Variants in EID3 observed in about 807,000 individuals in gnomAD.
EID3 encodes EP300 interacting inhibitor of differentiation 3, also known as EP300-interacting inhibitor of differentiation 3.
In EID3, 3 loss-of-function variants were observed where a neutral mutation model predicts 1.6. That is an observed-to-expected ratio of 1.87 (90% CI 0.85 to 4.83). The LOEUF is 4.83. Ranked by LOEUF, EID3 falls within the 30% of genes most tolerant of loss-of-function variation. The pLI is 0.02. For synonymous variants in EID3, 164 were observed against 148.1 expected (o/e 1.11, Z -0.78); for missense variants, 471 against 409.9 (o/e 1.15, Z -1.29).
rs903013554 is a variant in EID3, at chr12:104,304,815, G to A, written c.881G>A (p.Gly294Glu). Residue 294 changes from glycine (G) to glutamate (E), a missense_variant, in exon 1 of 1, where the codon GGA becomes GAA. Physicochemically the swap from Gly to Glu is moderately conservative, Grantham distance 98 (BLOSUM62 -2). Coordinates refer to ENST00000527879, the MANE Select transcript of EID3 (RefSeq NM_001008394.3). ...ATGAATGTTAACCAAATGGGTGAGGGAAATGATTCCAGTTGCCATGGCAGG... is the reference window on the plus strand; with the variant it reads ...ATGAATGTTAACCAAATGGGTGAGGAAAATGATTCCAGTTGCCATGGCAGG... ...EPMNVNQMGE[G>E]NDSSCHGRKQ... 1.9e-6 allele frequency: 3 copies of A among 1,613,898 alleles called. No homozygotes were observed. The South Asian group carries it at 3.3e-5, about 18-fold the overall frequency.
In EID3 at chr12:104,303,807, T is replaced by C; in HGVS notation, c.-128T>C. ...GCTGGGAGGGCCGTTACCTCAGAGA[T>C]ACCCGTGGCCGGCATGTTGGTTGAA... is the stretch of plus-strand genomic sequence containing the variant. On this transcript the variant is annotated 5_prime_UTR_variant, in exon 1 of 1. Coordinates refer to ENST00000527879, the MANE Select transcript of EID3 (RefSeq NM_001008394.3). 1 of 1,383,068 alleles carries C rather than the reference T, an allele frequency of 7.2e-7. No homozygotes were observed. Among genetic ancestry groups the C allele is most frequent in the Non-Finnish European group, 9.5e-7 (1 of 1,052,932 alleles). The allele number at this position is 1,383,068 out of a possible 1,614,324, so 85.7% of individuals were successfully genotyped here.
chr12:104,304,785 A>G lies in EID3; in HGVS notation c.851A>G (p.Glu284Gly). 2 of 1,614,012 alleles carry G rather than the reference A, an allele frequency of 1.2e-6. No individual in the cohort carries two copies. Among genetic ancestry groups the G allele is most frequent in the Non-Finnish European group, 1.7e-6 (2 of 1,179,892 alleles). ...RLDEDRLPILEPMNVNQMGEG... is the reference protein window; with the variant it reads ...RLDEDRLPILGPMNVNQMGEG... ...GATGAAGACAGGCTGCCAATATTAG[A>G]GCCGATGAATGTTAACCAAATGGGT... The change falls in exon 1 of 1, where the codon GAG becomes GGG. Residue 284 changes from glutamate to glycine, a missense_variant. Physicochemically the swap from Glu to Gly is moderately conservative, Grantham distance 98. Transcript: ENST00000527879.
chr12:104,304,165 T>C lies in EID3; in HGVS notation c.231T>C (p.Phe77=). 1 of 1,614,066 alleles carries C rather than the reference T, an allele frequency of 6.2e-7. No homozygotes were observed. Among genetic ancestry groups the C allele is most frequent in the African/African-American group, 1.3e-5 (1 of 75,060 alleles). ...CTCTGGAGGAAGCCAACGTCCTCTT[T>C]GATGGCGTGAGCCGAACCAGAGAAG... ...TEALEEANVL[F]DGVSRTREAA... is the part of the protein sequence containing the mutation. The change falls in exon 1 of 1, where the codon TTT becomes TTC. Residue 77 remains phenylalanine, a synonymous_variant. Coordinates refer to ENST00000527879, the MANE Select transcript of EID3 (RefSeq NM_001008394.3).
At position 104,304,536 on chromosome 12, in the gene EID3, T is replaced by G; in HGVS notation, c.602T>G (p.Met201Arg). The G allele has an allele frequency of 6.2e-7, 1 of 1,614,006 alleles. No homozygotes were observed. Among genetic ancestry groups the G allele is most frequent in the Non-Finnish European group, 8.5e-7 (1 of 1,179,892 alleles). ...CGCAAGATGGAAGAAAATGGCAACA[T>G]GCCTACAAAGTTGCAGAAGTTGGAC... The part of the protein sequence containing the change: ...KVRKMEENGN[M>R]PTKLQKLDLS... Residue 201 changes from methionine to arginine, a missense_variant, in exon 1 of 1, where the codon ATG (methionine) becomes AGG (arginine). Transcript: ENST00000527879.
rs542835354 is a variant in EID3 at position 104,304,502 on chromosome 12, A to G, written c.568A>G (p.Lys190Glu). The G allele has an allele frequency of 5.0e-6, 8 of 1,613,902 alleles. No homozygotes were observed. The highest frequency in any genetic ancestry group is 6.8e-6 in the Non-Finnish European group (8 of 1,179,894). ...ACCAAAGCCCCGACTTGAACACCAG[A>G]AAAAAGTTCGCAAGATGGAAGAAAA... is the stretch of plus-strand genomic sequence containing the variant. ...SAPKPRLEHQ[K>E]KVRKMEENGN... Residue 190 changes from lysine to glutamate, a missense_variant, in exon 1 of 1, where the codon AAA (lysine) becomes GAA (glutamate). Physicochemically the swap from Lys to Glu is moderately conservative, Grantham distance 56 (BLOSUM62 1). Coordinates refer to ENST00000527879, the MANE Select transcript of EID3 (RefSeq NM_001008394.3).
rs1359332240 is a variant in EID3 at position 104,305,120 on chromosome 12, TAAAAC to T, written c.*188_*192del. 8 of 570,532 alleles carry T rather than the reference TAAAAC, an allele frequency of 1.4e-5. No individual in the cohort carries two copies. The highest frequency in any genetic ancestry group is 7.8e-5 in the African/African-American group (4 of 51,250). The allele number at this position is 570,532 out of a possible 1,614,324, so 35.3% of individuals were successfully genotyped here. ...TTATAAGGTCATGATCTTCTGTTATTAAAACAAATTCACTGGCATATTTATGGGAA... is the reference window on the plus strand; with the variant it reads ...TTATAAGGTCATGATCTTCTGTTATTAAATTCACTGGCATATTTATGGGAA... On this transcript the variant is annotated 3_prime_UTR_variant, in exon 1 of 1. Coordinates refer to ENST00000527879, the MANE Select transcript of EID3 (RefSeq NM_001008394.3).
Position 104,304,281 on chromosome 12 carries a change from A to T in EID3, c.347A>T (p.Gln116Leu). Residue 116 changes from glutamine to leucine, a missense_variant, in exon 1 of 1, where the codon CAG (glutamine) becomes CTG (leucine). Physicochemically the swap from Gln to Leu is moderately radical, Grantham distance 113. Coordinates refer to ENST00000527879, the MANE Select transcript of EID3 (RefSeq NM_001008394.3). ...AACTCAGATATGAACTTCTTTAATC[A>T]GTTAGCATTTTGTGACTTTCTGTTT... ...QLNSDMNFFN[Q>L]LAFCDFLFLF... 3 of 1,614,050 alleles carry T rather than the reference A, an allele frequency of 1.9e-6. No individual in the cohort carries two copies. The South Asian group carries it at 3.3e-5, about 18-fold the overall frequency.
Position 104,305,191 on chromosome 12 carries a change from G to A in EID3, c.*255G>A, listed in dbSNP as rs1447587652. Reference sequence around the variant, plus strand: ...CCTTTAAGACTATTAATAAAAACAAGTTTTGGATACCAAATTAAGGGATAT... The same window carrying A: ...CCTTTAAGACTATTAATAAAAACAAATTTTGGATACCAAATTAAGGGATAT... On this transcript the variant is annotated 3_prime_UTR_variant, in exon 1 of 1. Coordinates refer to ENST00000527879, the MANE Select transcript of EID3 (RefSeq NM_001008394.3). 4 of 316,614 alleles carry A rather than the reference G, an allele frequency of 1.3e-5. No homozygotes were observed. The East Asian group carries it at 2.3e-4, about 19-fold the overall frequency. The allele number at this position is 316,614 out of a possible 1,614,324, so 19.6% of individuals were successfully genotyped here. A position where few individuals can be genotyped will look rare whatever the true frequency, so the allele number is the denominator to read the frequency against.
In EID3 at chr12:104,304,564, G is replaced by C; in HGVS notation, c.630G>C (p.Leu210=). The part of the protein sequence containing the change: ...NMPTKLQKLD[L]SSYPEATEKN... The stretch of plus-strand genomic sequence containing the variant: ...CTACAAAGTTGCAGAAGTTGGACCT[G>C]AGTAGTTATCCAGAAGCGACAGAAA... The change falls in exon 1 of 1, where the codon CTG becomes CTC. Residue 210 remains leucine (L), a synonymous_variant. Transcript: ENST00000527879. 6.2e-7 allele frequency: 1 copy of C among 1,614,062 alleles called. No individual in the cohort carries two copies. Among genetic ancestry groups the C allele is most frequent in the South Asian group, 1.1e-5 (1 of 91,086 alleles).
Position 104,303,869 on chromosome 12 carries a change from G to T in EID3, c.-66G>T. 2 of 1,480,344 alleles carry T rather than the reference G, an allele frequency of 1.4e-6. No homozygotes were observed. Among genetic ancestry groups the T allele is most frequent in the South Asian group, 2.7e-5 (2 of 73,356 alleles). 91.7% of individuals were successfully genotyped at this position (1,480,344 alleles called of 1,614,324 possible). A position where few individuals can be genotyped will look rare whatever the true frequency, so the allele number is the denominator to read the frequency against. ...GAAGGGAGACGAAGAGAAAGGAGAG[G>T]AGCAGCTCGTGATCATCCCCGGTAG... On this transcript the variant is annotated 5_prime_UTR_variant, in exon 1 of 1. The change creates a premature stop within an existing upstream ORF in the 5' untranslated region. Coordinates refer to ENST00000527879, the MANE Select transcript of EID3 (RefSeq NM_001008394.3).
Position 104,304,551 on chromosome 12 carries a change from A to C in EID3, c.617A>C (p.Gln206Pro). The change falls in exon 1 of 1, where the codon CAG (glutamine) becomes CCG (proline). Residue 206 changes from glutamine to proline, a missense_variant. By Grantham distance (76) the Gln-to-Pro change is moderately conservative. Coordinates refer to ENST00000527879, the MANE Select transcript of EID3 (RefSeq NM_001008394.3). ...EENGNMPTKL[Q>P]KLDLSSYPEA... ...AATGGCAACATGCCTACAAAGTTGC[A>C]GAAGTTGGACCTGAGTAGTTATCCA... 3.7e-6 allele frequency: 6 copies of C among 1,614,064 alleles called. No individual in the cohort carries two copies. Among genetic ancestry groups the C allele is most frequent in the Non-Finnish European group, 5.1e-6 (6 of 1,179,898 alleles).
chr12:104,304,657 C>G lies in EID3; in HGVS notation c.723C>G (p.Ser241=). The G allele has an allele frequency of 1.2e-6, 2 of 1,613,884 alleles. No individual in the cohort carries two copies. The highest frequency in any genetic ancestry group is 1.7e-6 in the Non-Finnish European group (2 of 1,179,846). ...GAAAGTATCCTGATACTCCTGTGTCCTATTTTGAGTTTGTGATTGATCCAA... is the reference window on the plus strand; with the variant it reads ...GAAAGTATCCTGATACTCCTGTGTCGTATTTTGAGTTTGTGATTGATCCAA... ...YFRKYPDTPV[S]YFEFVIDPNS... Residue 241 remains serine, a synonymous_variant, in exon 1 of 1, where the codon TCC becomes TCG. Coordinates refer to ENST00000527879, the MANE Select transcript of EID3 (RefSeq NM_001008394.3).
Position 104,304,402 on chromosome 12 carries a change from G to A in EID3, c.468G>A (p.Lys156=), listed in dbSNP as rs1335446287. ...TTTCCTTCTGGAAGGCAATAGAAAA[G>A]GAAGCAACATCCTGGATGGTAAAAG... ...IALSFWKAIE[K]EATSWMVKAE... is the part of the protein sequence containing the mutation. Residue 156 remains lysine (K), a synonymous_variant, in exon 1 of 1, where the codon AAG becomes AAA. Transcript: ENST00000527879. 1 of 1,614,000 alleles carries A rather than the reference G, an allele frequency of 6.2e-7. No homozygotes were observed. Among genetic ancestry groups the A allele is most frequent in the Admixed American group, 1.7e-5 (1 of 60,030 alleles).
chr12:104,304,535 A>T lies in EID3; in HGVS notation c.601A>T (p.Met201Leu). 1 of 1,614,050 alleles carries T rather than the reference A, an allele frequency of 6.2e-7. No individual in the cohort carries two copies. The highest frequency in any genetic ancestry group is 1.3e-5 in the African/African-American group (1 of 75,068). Residue 201 changes from methionine to leucine, a missense_variant, in exon 1 of 1, where the codon ATG (methionine) becomes TTG (leucine). Coordinates refer to ENST00000527879, the MANE Select transcript of EID3 (RefSeq NM_001008394.3). ...TCGCAAGATGGAAGAAAATGGCAAC[A>T]TGCCTACAAAGTTGCAGAAGTTGGA... ...KVRKMEENGN[M>L]PTKLQKLDLS... is the part of the protein sequence containing the mutation.
In EID3 at chr12:104,304,930, A is replaced by C; in HGVS notation, c.996A>C (p.Ser332=). ...EISEAMITYS[S]Y is the part of the protein sequence containing the mutation. ...CTGAGGCTATGATTACATACTCCTCATACTAAAGATTTCTTAGTATAGCAT... is the reference window on the plus strand; with the variant it reads ...CTGAGGCTATGATTACATACTCCTCCTACTAAAGATTTCTTAGTATAGCAT... Residue 332 remains serine (S), a synonymous_variant, in exon 1 of 1, where the codon TCA becomes TCC. Coordinates refer to ENST00000527879, the MANE Select transcript of EID3 (RefSeq NM_001008394.3). 6.3e-7 allele frequency: 1 copy of C among 1,585,200 alleles called. No homozygotes were observed. Among genetic ancestry groups the C allele is most frequent in the Non-Finnish European group, 8.5e-7 (1 of 1,169,642 alleles).
rs374997109 is a variant in EID3, at chr12:104,304,512, G to T, written c.578G>T (p.Arg193Leu). 2 of 1,613,868 alleles carry T rather than the reference G, an allele frequency of 1.2e-6. No homozygotes were observed. The highest frequency in any genetic ancestry group is 1.7e-5 in the Admixed American group (1 of 59,996). The change falls in exon 1 of 1, where the codon CGC becomes CTC. Residue 193 changes from arginine (R) to leucine (L), a missense_variant. Physicochemically the swap from Arg to Leu is moderately radical, Grantham distance 102. Coordinates refer to ENST00000527879, the MANE Select transcript of EID3 (RefSeq NM_001008394.3). ...CGACTTGAACACCAGAAAAAAGTTC[G>T]CAAGATGGAAGAAAATGGCAACATG... Reference protein sequence around the residue: ...KPRLEHQKKVRKMEENGNMPT... With the variant: ...KPRLEHQKKVLKMEENGNMPT...
rs2034849404 is a variant in EID3, at chr12:104,305,166, C to T, written c.*230C>T. On this transcript the variant is annotated 3_prime_UTR_variant, in exon 1 of 1. Transcript: ENST00000527879. ...TTTATGGGAACGTTTTATTGAATGC[C>T]CTTTAAGACTATTAATAAAAACAAG... 1 of 389,248 alleles carries T rather than the reference C, an allele frequency of 2.6e-6. No homozygotes were observed. The highest frequency in any genetic ancestry group is 4.6e-6 in the Non-Finnish European group (1 of 216,714). 24.1% of individuals were successfully genotyped at this position (389,248 alleles called of 1,614,324 possible). A position where few individuals can be genotyped will look rare whatever the true frequency, so the allele number is the denominator to read the frequency against.
Position 104,304,501 on chromosome 12 carries a change from G to GA in EID3, c.573dup (p.Val192SerfsTer21), listed in dbSNP as rs1168322267. On this transcript the variant is annotated frameshift_variant, in exon 1 of 1. Coordinates refer to ENST00000527879, the MANE Select transcript of EID3 (RefSeq NM_001008394.3). LOFTEE classifies it low-confidence loss of function (END_TRUNC). The stretch of plus-strand genomic sequence containing the variant: ...CACCAAAGCCCCGACTTGAACACCA[G>GA]AAAAAAGTTCGCAAGATGGAAGAAA... 6.2e-7 allele frequency: 1 copy of GA among 1,613,830 alleles called. No homozygotes were observed.
In EID3 at chr12:104,304,360, T is replaced by G. The variant is rs750298650; in HGVS notation, c.426T>G (p.Cys142Trp). Residue 142 changes from cysteine (C) to tryptophan (W), a missense_variant, in exon 1 of 1, where the codon TGT (cysteine) becomes TGG (tryptophan). Coordinates refer to ENST00000527879, the MANE Select transcript of EID3 (RefSeq NM_001008394.3). ...GCGATCCTGACAAGTTGAGTGATTG[T>G]GATGATAGCATAGCTCTTTCCTTCT... ...MEGDPDKLSDCDDSIALSFWK... is the reference protein window; with the variant it reads ...MEGDPDKLSDWDDSIALSFWK... 9.0e-5 allele frequency: 146 copies of G among 1,613,914 alleles called. No homozygotes were observed. Among genetic ancestry groups the G allele is most frequent in the Non-Finnish European group, 1.2e-4 (142 of 1,179,904 alleles).
Sources: allele counts gnomAD v4.1 joint callset, GRCh38; gene constraint gnomAD v4.1.1; transcripts MANE v1.5; gene names NCBI Gene and HGNC (gene_info 2026-07-23, HGNC 2026-07-21).